ANGPT1: variants seen among roughly 807,000 people sequenced by gnomAD.
The protein encoded by ANGPT1 is angiopoietin-1.
A neutral mutation model predicts 62.2 loss-of-function variants in ANGPT1; 17 were observed. The observed-to-expected ratio is 0.27, with a 90% CI of 0.19 to 0.41. ANGPT1 has a LOEUF of 0.41. ANGPT1 is among the 10% of genes least tolerant of loss of function. ANGPT1 has a pLI of 1.00. For missense variants in ANGPT1, 478 were observed against 594.9 expected (o/e 0.80, Z 2.04); for synonymous variants, 199 against 198.9 (o/e 1.00, Z 0.00).
chr8:107,425,049 A>G (rs1811001810), intron 1 of ANGPT1, among the ~76,000 whole-genome samples: 1 of 151,994 alleles, frequency 6.6e-6, no homozygotes, highest in Non-Finnish European at 1.5e-5. Flanking sequence ...TAATTTTTGT[A>G]TTTTTAGTAG....
chr8:107,400,803 G>A (rs949730733), intron 1 of ANGPT1, among the ~76,000 whole-genome samples: 3 of 151,796 alleles, frequency 2.0e-5, no homozygotes, highest in South Asian at 2.1e-4. Flanking sequence ...CAGGTGATCC[G>A]TCCACCTCGG....
intron 3 of ANGPT1, among the ~76,000 whole-genome samples, chr8:107,326,685 A>T (rs764847607): frequency 1.3e-5 from 2 of 152,124 alleles, no homozygotes; most frequent in Admixed American, 1.3e-4. Context: ...TTATTATCTT[A>T]TTCTTGTAAC....
At position 107,474,814 on chromosome 8, in the gene ANGPT1, T is replaced by C. The variant is rs190724270; in HGVS notation, c.297+22448A>G. Among the ~76,000 whole-genome samples the C allele has an allele frequency of 2.1e-4, 32 of 152,298 alleles. 1 individual carries two copies. In the East Asian group the frequency reaches 3.5e-3, roughly 17 times the overall value. The stretch of plus-strand genomic sequence containing the variant: ...GGTAGACAAACAGAGAGCCAAATCA[T>C]GAGTGAACTCCCATTCACAATTGCT... On this transcript the variant is annotated intron_variant, in intron 1 of 8. Transcript: ENST00000517746.
intron 1 of ANGPT1, among the ~76,000 whole-genome samples, chr8:107,376,451 C>G (rs1000558607): frequency 6.6e-6 from 1 of 152,042 alleles, no homozygotes. Flanking sequence ...GATTAGTGTT[C>G]AGGGAGGAGG....
At chr8:107,354,788 T>G (rs1252763160) in intron 1 of ANGPT1, among the ~76,000 whole-genome samples, 1 of 152,162 alleles carries the variant, frequency 6.6e-6, no homozygotes, top group Non-Finnish European at 1.5e-5. Flanking sequence ...CGACTTGGCT[T>G]TCTGTCTTTA....
chr8:107,256,475 T>G (rs1270913386), intron 8 of ANGPT1, among the ~76,000 whole-genome samples: 2 of 152,204 alleles, frequency 1.3e-5, no homozygotes, highest in East Asian at 3.8e-4. Flanking sequence ...AGCAGACTCC[T>G]CATTACTCAT....
At chr8:107,300,683 C>T (rs1586202147) in intron 5 of ANGPT1, among the ~76,000 whole-genome samples, 1 of 151,842 alleles carries the variant, frequency 6.6e-6, no homozygotes, top group Non-Finnish European at 1.5e-5. Flanking sequence ...TATGTTACTG[C>T]TAACCTGTTC....
intron 1 of ANGPT1, among the ~76,000 whole-genome samples, chr8:107,466,655 C>T (rs998819500): frequency 2.6e-5 from 4 of 152,034 alleles, no homozygotes; most frequent in Admixed American, 6.6e-5. Flanking sequence ...CTCACTCTTG[C>T]AATCCCAGCA....
chr8:107,340,551 T>C (rs2445359), intron 2 of ANGPT1, among the ~76,000 whole-genome samples: 55,994 of 151,962 alleles, frequency 0.37, 11,374 homozygotes, highest in East Asian at 0.49. Context: ...AAAATCTCTT[T>C]TTTTTAGAGA....
chr8:107,330,334 C>T lies in ANGPT1; in HGVS notation c.575+5816G>A, dbSNP rs142374106. On this transcript the variant is annotated intron_variant, in intron 3 of 8. Coordinates refer to ENST00000517746, the MANE Select transcript of ANGPT1 (RefSeq NM_001146.5). ...ACAAAGTCACACAAATAATATGTGA[C>T]TTAGTCGATTATCCCAGGAATCAAG... 5.4e-3 allele frequency among the ~76,000 whole-genome samples: 815 copies of T among 152,242 alleles called. 10 individuals are homozygous for T. Among genetic ancestry groups the T allele is most frequent in the African/African-American group, 0.019 (777 of 41,544 alleles).
intron 1 of ANGPT1, among the ~76,000 whole-genome samples, chr8:107,361,052 C>A (rs10102070): frequency 0.01 from 1,571 of 152,260 alleles, 35 homozygotes; most frequent in African/African-American, 0.035. Context: ...ATCATCTTCA[C>A]GTGCATATGG....
chr8:107,430,743 C>G (rs1174633546), intron 1 of ANGPT1, among the ~76,000 whole-genome samples: 1 of 152,044 alleles, frequency 6.6e-6, no homozygotes, highest in African/African-American at 2.4e-5. Flanking sequence ...CTCTAGAAGC[C>G]GAAAAAGACA....
At chr8:107,374,852 G>T (rs1816495301) in intron 1 of ANGPT1, among the ~76,000 whole-genome samples, 1 of 152,152 alleles carries the variant, frequency 6.6e-6, no homozygotes, top group Non-Finnish European at 1.5e-5. Context: ...ATGGTATTTA[G>T]CTAGGGAGAT....
chr8:107,294,104 T>C, intron 5 of ANGPT1, 67 bp from the exon 6 acceptor site: 1 of 1,325,186 alleles, frequency 7.5e-7, no homozygotes, highest in Non-Finnish European at 1.1e-6. Flanking sequence ...TCCTACATGT[T>C]TCAAAATAGG....
chr8:107,481,393 G>A (rs1295103525), intron 1 of ANGPT1, among the ~76,000 whole-genome samples: 3 of 151,818 alleles, frequency 2.0e-5, no homozygotes, highest in African/African-American at 7.3e-5. Flanking sequence ...AATTAGCCAG[G>A]CGCGGTGGCG....
intron 1 of ANGPT1, among the ~76,000 whole-genome samples, chr8:107,393,508 T>TA (rs1179931277): frequency 2.6e-5 from 4 of 152,136 alleles, no homozygotes; most frequent in Admixed American, 6.6e-5. Flanking sequence ...ATGATCTTTT[T>TA]AAAAAAAATT....
intron 1 of ANGPT1, among the ~76,000 whole-genome samples, chr8:107,421,517 G>A (rs774672658): frequency 3.9e-5 from 6 of 152,130 alleles, no homozygotes; most frequent in Non-Finnish European, 7.4e-5. Context: ...AGAGAAATTC[G>A]ACTTCGGTGT....
chr8:107,476,281 T>C (rs1812523768), intron 1 of ANGPT1, among the ~76,000 whole-genome samples: 2 of 152,146 alleles, frequency 1.3e-5, no homozygotes, highest in Admixed American at 1.3e-4. Flanking sequence ...TCATGTCCTT[T>C]GTAAGGACAT....
chr8:107,445,473 T>C (rs906358537), intron 1 of ANGPT1, among the ~76,000 whole-genome samples: 3 of 152,146 alleles, frequency 2.0e-5, no homozygotes, highest in Non-Finnish European at 2.9e-5. Context: ...TCAGCTAAAA[T>C]TGGATGACTT....
Sources: allele counts gnomAD v4.1 joint callset (sites outside exome capture counted in the v4.1 genomes callset), GRCh38; gene constraint gnomAD v4.1.1; transcripts MANE v1.5; gene names NCBI Gene and HGNC (gene_info 2026-07-23, HGNC 2026-07-21).